MED27: variants seen among roughly 807,000 people sequenced by gnomAD.
MED27 encodes the protein mediator of RNA polymerase II transcription subunit 27.
In MED27, 30 loss-of-function variants were observed where a neutral mutation model predicts 38.2. The observed-to-expected ratio is 0.79, with a 90% CI of 0.59 to 1.07. The LOEUF is 1.07. Ranked by LOEUF, MED27 falls within the 50% of genes least tolerant of loss-of-function variation. The pLI, the probability that MED27 is intolerant of heterozygous loss-of-function variation, is 0.00. For synonymous variants in MED27, 122 were observed against 153.5 expected, an observed-to-expected ratio of 0.79 and a Z score of 1.52; for missense variants, 289 against 397.5, an observed-to-expected ratio of 0.73 and a Z score of 2.32.
intron 2 of MED27, among the ~76,000 whole-genome samples, chr9:132,053,248 CG>C (rs763660213): frequency 6.9e-6 from 1 of 144,638 alleles, no homozygotes; most frequent in Non-Finnish European, 1.5e-5. Flanking sequence ...GCGAGACTCC[CG>C]TCTCAAAAAA....
intron 4 of MED27, among the ~76,000 whole-genome samples, chr9:131,908,059 C>T (rs1293701088): frequency 6.6e-5 from 10 of 151,866 alleles, no homozygotes; most frequent in South Asian, 6.2e-4. Context: ...TCTCTCCGCC[C>T]GGCAGCCACC....
chr9:132,067,852 T>C (rs533212251), intron 2 of MED27, among the ~76,000 whole-genome samples: 112 of 151,530 alleles, frequency 7.4e-4, no homozygotes, highest in Non-Finnish European at 1.4e-3. Context: ...GCTGGGACTA[T>C]AGGCACCCGC....
chr9:131,923,677 G>A (rs550952500), intron 4 of MED27, among the ~76,000 whole-genome samples: 187 of 152,232 alleles, frequency 1.2e-3, no homozygotes, highest in African/African-American at 4.4e-3. Context: ...TATGCTCAGA[G>A]TCAGGCCTCC....
At chr9:132,056,037 C>A (rs1329776569) in intron 2 of MED27, among the ~76,000 whole-genome samples, 3 of 152,222 alleles carry the variant, frequency 2.0e-5, no homozygotes, top group Non-Finnish European at 4.4e-5. Context: ...TGGCATCAGA[C>A]AGGGCCTGTG....
At position 132,014,462 on chromosome 9, in the gene MED27, C is replaced by A; in HGVS notation, c.354G>T (p.Gln118His). The A allele has an allele frequency of 6.2e-7, 1 of 1,611,262 alleles. No homozygotes were observed. The highest frequency in any genetic ancestry group is 8.5e-7 in the Non-Finnish European group (1 of 1,179,122). ...GGCCAGATGCTAGTCCTGCATGGTA[C>A]TGCAACTGCAGAGAAAAACAAAACA... ...LQAYKWSNKLQYHAGLASGLL... is the reference protein window; with the variant it reads ...LQAYKWSNKLHYHAGLASGLL... The change falls in exon 3 of 8, where the codon CAG becomes CAT. Residue 118 changes from glutamine (Q) to histidine (H), a missense_variant. Coordinates refer to ENST00000292035, the MANE Select transcript of MED27 (RefSeq NM_004269.4).
chr9:132,073,384 A>G (rs999546481), intron 2 of MED27: 1 of 1,041,154 alleles, frequency 9.6e-7, no homozygotes, highest in Non-Finnish European at 1.2e-6. Flanking sequence ...TCATTCTCTC[A>G]GTGAATCTTC....
chr9:132,016,980 G>A lies in MED27; in HGVS notation c.349-2513C>T, dbSNP rs114411203. Among the ~76,000 whole-genome samples the A allele has an allele frequency of 5.2e-3, 792 of 152,270 alleles. 14 individuals carry two copies. The highest frequency in any genetic ancestry group is 0.018 in the African/African-American group (731 of 41,564). ...TGCACCTCTAACAGCACACATAGGT[G>A]GAAGGACTCTTCTTCCCCCAAAACA... On this transcript the variant is annotated intron_variant, in intron 2 of 7. Coordinates refer to ENST00000292035, the MANE Select transcript of MED27 (RefSeq NM_004269.4).
At chr9:131,880,160 G>A (rs1482568161) in intron 6 of MED27, among the ~76,000 whole-genome samples, 1 of 151,900 alleles carries the variant, frequency 6.6e-6, no homozygotes, top group African/African-American at 2.4e-5. Flanking sequence ...GCTTTCTACC[G>A]CCATCTCCCA....
intron 3 of MED27, among the ~76,000 whole-genome samples, chr9:131,968,688 G>C (rs1231785028): frequency 6.6e-6 from 1 of 152,074 alleles, no homozygotes; most frequent in East Asian, 1.9e-4. Context: ...GGAAACACTT[G>C]AAAACATTGT....
intron 2 of MED27, chr9:132,073,759 AT>A: frequency 2.0e-6 from 3 of 1,510,126 alleles, no homozygotes; most frequent in Non-Finnish European, 1.8e-6. Context: ...TAAAAAAAAA[AT>A]CAAACGTGAA....
Position 131,883,943 on chromosome 9 carries a change from CT to C in MED27, c.723+114del. ...GGAATCAGACAGTGAGCATCCTTTT[CT>C]GTCTGGCTTTTTTCACTTTTTCAAA... is the stretch of plus-strand genomic sequence containing the variant. On this transcript the variant is annotated intron_variant, in intron 6 of 7. Coordinates refer to ENST00000292035, the MANE Select transcript of MED27 (RefSeq NM_004269.4). This position sits in a 1 kb window ranked among gnomAD's most constrained non-coding sequence, Gnocchi z 4.2. The C allele has an allele frequency of 1.1e-6, 1 of 877,208 alleles. No individual in the cohort carries two copies. Among genetic ancestry groups the C allele is most frequent in the South Asian group, 1.7e-5 (1 of 59,528 alleles). The allele number at this position is 877,208 out of a possible 1,614,324, so 54.3% of individuals were successfully genotyped here. A position where few individuals can be genotyped will look rare whatever the true frequency, so the allele number is the denominator to read the frequency against.
At chr9:132,026,947 T>C (rs1589274466) in intron 2 of MED27, among the ~76,000 whole-genome samples, 1 of 152,200 alleles carries the variant, frequency 6.6e-6, no homozygotes, top group Non-Finnish European at 1.5e-5. Context: ...AGCGGCAGGG[T>C]CAGGACTGGT....
At chr9:131,931,486 C>A (rs147915014) in intron 4 of MED27, among the ~76,000 whole-genome samples, 519 of 152,158 alleles carry the variant, frequency 3.4e-3, no homozygotes, top group African/African-American at 0.012. Flanking sequence ...TAAGTCCTTA[C>A]TTATCAACAA....
At position 131,952,493 on chromosome 9, in the gene MED27, T is replaced by C. The variant is rs147111253; in HGVS notation, c.480-13019A>G. On this transcript the variant is annotated intron_variant, in intron 3 of 7. Coordinates refer to ENST00000292035, the MANE Select transcript of MED27 (RefSeq NM_004269.4). ...CCCCACTACCTTATGTAAAGAGCAT[T>C]GGGTGGGAAATGACCAGAGCCTTCA... 2.6e-3 allele frequency among the ~76,000 whole-genome samples: 400 copies of C among 152,294 alleles called. 1 individual carries two copies. The highest frequency in any genetic ancestry group is 9.3e-3 in the African/African-American group (387 of 41,558).
intron 3 of MED27, among the ~76,000 whole-genome samples, chr9:131,961,241 G>A (rs746730575): frequency 1.1e-4 from 17 of 152,308 alleles, no homozygotes; most frequent in South Asian, 2.1e-4. Flanking sequence ...TGGCCCGCAC[G>A]TGGCATATGT....
At position 131,872,336 on chromosome 9, in the gene MED27, C is replaced by T. The variant is rs1156415817; in HGVS notation, c.724-9196G>A. Among the ~76,000 whole-genome samples the T allele has an allele frequency of 6.6e-6, 1 of 152,230 alleles. No homozygotes were observed. Among genetic ancestry groups the T allele is most frequent in the African/African-American group, 2.4e-5 (1 of 41,466 alleles). Reference sequence around the variant, plus strand: ...GGGCATTATCTGCCAGCACACAGCCCCCGAGGCCAAGCTAGAAGAGCGGGC... The same window carrying T: ...GGGCATTATCTGCCAGCACACAGCCTCCGAGGCCAAGCTAGAAGAGCGGGC... On this transcript the variant is annotated intron_variant, in intron 6 of 7. Transcript: ENST00000292035. This position sits in a 1 kb window ranked among gnomAD's most constrained non-coding sequence, Gnocchi z 5.6.
intron 3 of MED27, among the ~76,000 whole-genome samples, chr9:131,962,614 A>G (rs1439537808): frequency 6.6e-6 from 1 of 151,932 alleles, no homozygotes; most frequent in Non-Finnish European, 1.5e-5. Flanking sequence ...AATTCTGGTC[A>G]TAGTTTACAT....
At chr9:132,040,684 A>G (rs1338956615) in intron 2 of MED27, among the ~76,000 whole-genome samples, 1 of 152,176 alleles carries the variant, frequency 6.6e-6, no homozygotes, top group Non-Finnish European at 1.5e-5. Flanking sequence ...AGCAAGGAGC[A>G]CTCAAGGTGA....
intron 2 of MED27, among the ~76,000 whole-genome samples, chr9:132,058,000 G>T (rs759435581): frequency 6.6e-6 from 1 of 152,132 alleles, no homozygotes; most frequent in Non-Finnish European, 1.5e-5. Flanking sequence ...TAAATTAACA[G>T]AGTGGAATGT....
Sources: allele counts gnomAD v4.1 joint callset (sites outside exome capture counted in the v4.1 genomes callset), GRCh38; gene constraint gnomAD v4.1.1; non-coding constraint Gnocchi (gnomAD v3.1); transcripts MANE v1.5; gene names NCBI Gene and HGNC (gene_info 2026-07-23, HGNC 2026-07-21).